C3orf20: variants seen among roughly 807,000 people sequenced by gnomAD.
The protein encoded by C3orf20 is family with sequence similarity 149 member C, also known as uncharacterized protein C3orf20.
Under a neutral mutation model 88.3 loss-of-function variants are expected in C3orf20, and 76 were observed. The observed-to-expected ratio is 0.86, with a 90% CI of 0.72 to 1.04. C3orf20 has a LOEUF of 1.04. Ranked by LOEUF, C3orf20 falls within the 50% of genes least tolerant of loss-of-function variation. C3orf20 has a pLI of 0.00. For missense variants in C3orf20, 1,056 were observed against 1,123.3 expected (o/e 0.94, Z 0.86); for synonymous variants, 436 against 437.4 (o/e 1.00, Z 0.04).
chr3:14,749,697 A>ATTT (rs34518822), intron 12 of C3orf20, among the ~76,000 whole-genome samples: 8 of 146,730 alleles, frequency 5.5e-5, no homozygotes, highest in African/African-American at 2.0e-4. Flanking sequence ...CGTTTAATTG[A>ATTT]TTTTTTTTTT....
At chr3:14,756,787 C>G (rs1403499823) in intron 12 of C3orf20, among the ~76,000 whole-genome samples, 1 of 152,158 alleles carries the variant, frequency 6.6e-6, no homozygotes, top group Non-Finnish European at 1.5e-5. Context: ...ATTCTTGCAG[C>G]CTTGAAGCAC....
intron 12 of C3orf20, among the ~76,000 whole-genome samples, chr3:14,733,202 G>A (rs1419195062): frequency 6.6e-6 from 1 of 151,994 alleles, no homozygotes; most frequent in African/African-American, 2.4e-5. Context: ...TTCTTGTAAT[G>A]TTTTTATCTA....
In C3orf20 at chr3:14,721,827, A is replaced by G. The variant is rs780739513; in HGVS notation, c.1566+43A>G. 5 of 1,608,504 alleles carry G rather than the reference A, an allele frequency of 3.1e-6. No individual in the cohort carries two copies. In the African/African-American group the frequency reaches 4.0e-5, roughly 13 times the overall value. On this transcript the variant is annotated intron_variant, in intron 10 of 16. Coordinates refer to ENST00000253697, the MANE Select transcript of C3orf20 (RefSeq NM_032137.5). ...ATGCACCCAGCCCTGACCCCTGGGC[A>G]TCTCAACGTGGGTTGCTGTTTCATA...
intron 12 of C3orf20, among the ~76,000 whole-genome samples, chr3:14,731,157 T>G (rs1190603620): frequency 6.6e-6 from 1 of 152,212 alleles, no homozygotes; most frequent in African/African-American, 2.4e-5. Context: ...TCCCTCACCC[T>G]TAATCCCTGA....
intron 2 of C3orf20, 100 bp from the exon 3 acceptor site, chr3:14,682,478 G>T: frequency 1.8e-6 from 1 of 545,366 alleles, no homozygotes; most frequent in Non-Finnish European, 3.2e-6. Context: ...ACTAACATTG[G>T]TCTCTCTGAT....
intron 12 of C3orf20, among the ~76,000 whole-genome samples, chr3:14,742,899 C>G (rs748648491): frequency 6.6e-6 from 1 of 152,016 alleles, no homozygotes; most frequent in Admixed American, 6.6e-5. Flanking sequence ...AAAGACCAGC[C>G]CACGTGATTC....
At chr3:14,685,583 G>C (rs1227130033) in intron 4 of C3orf20, among the ~76,000 whole-genome samples, 1 of 151,588 alleles carries the variant, frequency 6.6e-6, no homozygotes, top group South Asian at 2.1e-4. Context: ...ATTAACTATA[G>C]TAACCATGCT....
intron 12 of C3orf20, among the ~76,000 whole-genome samples, chr3:14,750,582 G>A (rs1054729936): frequency 6.6e-5 from 10 of 151,026 alleles, no homozygotes; most frequent in Admixed American, 5.9e-4. Flanking sequence ...ATTCTAGGCT[G>A]ACAAGGTTTT....
intron 15 of C3orf20, among the ~76,000 whole-genome samples, chr3:14,766,809 G>T (rs2035722421): frequency 6.6e-6 from 1 of 152,200 alleles, no homozygotes; most frequent in African/African-American, 2.4e-5. Flanking sequence ...GAAGAGGTGG[G>T]GCGCCAGGGT....
chr3:14,761,449 T>C (rs2035559301), intron 14 of C3orf20, 24 bp from the exon 15 acceptor site: 1 of 1,613,948 alleles, frequency 6.2e-7, no homozygotes, highest in Non-Finnish European at 8.5e-7. Flanking sequence ...TGAGGATCTC[T>C]CCTCATTTCC....
At chr3:14,705,098 G>A (rs142447742) in intron 7 of C3orf20, among the ~76,000 whole-genome samples, 8 of 152,322 alleles carry the variant, frequency 5.3e-5, no homozygotes, top group African/African-American at 9.6e-5. Context: ...CCCCAAATGC[G>A]CTATCTCCTG....
At chr3:14,755,939 G>T (rs1405135315) in intron 12 of C3orf20, among the ~76,000 whole-genome samples, 1 of 146,752 alleles carries the variant, frequency 6.8e-6, no homozygotes, top group African/African-American at 2.5e-5. Context: ...TGAGGCAGGA[G>T]AATGGCGTGA....
chr3:14,712,192 A>T (rs1374515073), intron 7 of C3orf20, among the ~76,000 whole-genome samples: 78 of 148,752 alleles, frequency 5.2e-4, no homozygotes, highest in African/African-American at 1.1e-3. Context: ...GCACACACAC[A>T]CACACACACA....
intron 12 of C3orf20, among the ~76,000 whole-genome samples, chr3:14,749,068 T>C (rs2035144236): frequency 6.6e-6 from 1 of 152,224 alleles, no homozygotes; most frequent in Non-Finnish European, 1.5e-5. Flanking sequence ...ACTATTACTA[T>C]AGAATTGCCT....
chr3:14,679,301 A>G (rs778552730), intron 1 of C3orf20, among the ~76,000 whole-genome samples: 4 of 152,250 alleles, frequency 2.6e-5, no homozygotes, highest in Non-Finnish European at 4.4e-5. Flanking sequence ...AGTGATGGAA[A>G]AATGAATGAC....
chr3:14,757,406 G>A lies in C3orf20; in HGVS notation c.1976G>A (p.Trp659Ter). 1.2e-6 allele frequency: 2 copies of A among 1,611,874 alleles called. No homozygotes were observed. The highest frequency in any genetic ancestry group is 1.7e-6 in the Non-Finnish European group (2 of 1,179,830). The change falls in exon 13 of 17, where the codon TGG becomes TAG. Residue 659 changes from tryptophan (W) to a stop codon, truncating the protein, a stop_gained. Coordinates refer to ENST00000253697, the MANE Select transcript of C3orf20 (RefSeq NM_032137.5). LOFTEE classifies it high-confidence loss of function. ...CGCGAGGGGCGCAGCCCCACCAGGT[G>A]GGCGGCCTTGCCCTCAGACTGCCCG... ...KAREGRSPTR[W>*]AALPSDCPLV... is the part of the protein sequence containing the mutation.
chr3:14,724,411 A>G (rs1209921652), intron 10 of C3orf20, among the ~76,000 whole-genome samples: 1 of 152,132 alleles, frequency 6.6e-6, no homozygotes, highest in Non-Finnish European at 1.5e-5. Flanking sequence ...TGTGTACCCA[A>G]CAAGCCCCTT....
chr3:14,767,802 T>C lies in C3orf20; in HGVS notation c.2496-4265T>C, dbSNP rs192702391. Among the ~76,000 whole-genome samples, 643 of 152,380 alleles carry C rather than the reference T, an allele frequency of 4.2e-3. 9 individuals carry two copies. Among genetic ancestry groups the C allele is most frequent in the African/African-American group, 0.014 (591 of 41,590 alleles). On this transcript the variant is annotated intron_variant, in intron 15 of 16. Coordinates refer to ENST00000253697, the MANE Select transcript of C3orf20 (RefSeq NM_032137.5). ...ACACTGCTGTGCGCCCTCACGGGCCTGCTCTCCAGAACAGCAGAGCACTCC... is the reference window on the plus strand; with the variant it reads ...ACACTGCTGTGCGCCCTCACGGGCCCGCTCTCCAGAACAGCAGAGCACTCC...
At chr3:14,687,416 A>T (rs2124898499) in intron 4 of C3orf20, among the ~76,000 whole-genome samples, 1 of 152,282 alleles carries the variant, frequency 6.6e-6, no homozygotes, top group African/African-American at 2.4e-5. Context: ...GTTTTAGGGG[A>T]AGTTACACTG....
Sources: allele counts gnomAD v4.1 joint callset (sites outside exome capture counted in the v4.1 genomes callset), GRCh38; gene constraint gnomAD v4.1.1; transcripts MANE v1.5; gene names NCBI Gene and HGNC (gene_info 2026-07-23, HGNC 2026-07-21).